THSD4: variants seen among roughly 807,000 people sequenced by gnomAD.
THSD4 encodes the protein thrombospondin type-1 domain-containing protein 4.
A neutral mutation model predicts 119.0 loss-of-function variants in THSD4; 69 were observed. That is an observed-to-expected ratio of 0.58 (90% CI 0.48 to 0.71). The LOEUF (loss-of-function observed/expected upper bound fraction) is 0.71. THSD4 is among the 30% of genes least tolerant of loss of function. The pLI, the probability that THSD4 is intolerant of heterozygous loss-of-function variation, is 0.00. For missense variants in THSD4, 1,393 were observed against 1,391.1 expected, an observed-to-expected ratio of 1.00 and a Z score of -0.02; for synonymous variants, 524 against 540.4, an observed-to-expected ratio of 0.97 and a Z score of 0.42.
intron 8 of THSD4, among the ~76,000 whole-genome samples, chr15:71,672,747 A>T (rs374000209): frequency 6.6e-6 from 1 of 152,162 alleles, no homozygotes; most frequent in Non-Finnish European, 1.5e-5. Context: ...TGAGATAATC[A>T]TGTGGTTTTT....
chr15:71,313,007 G>A (rs1183820726), intron 6 of THSD4, among the ~76,000 whole-genome samples: 2 of 152,140 alleles, frequency 1.3e-5, no homozygotes, highest in African/African-American at 4.8e-5. Context: ...GTCTTCACTC[G>A]CTAGAACAGT....
rs190142778 is a variant in THSD4 at position 71,557,850 on chromosome 15, G to A, written c.1153-102680G>A. ...TTTTGTTTCCTAATATTGTTCAATT[G>A]TGCCTTTTATTTTATTAACCATTCT... On this transcript the variant is annotated intron_variant, in intron 7 of 17. Coordinates refer to ENST00000261862, the MANE Select transcript of THSD4 (RefSeq NM_024817.3). Among the ~76,000 whole-genome samples, 660 of 152,098 alleles carry A rather than the reference G, an allele frequency of 4.3e-3. 4 individuals carry two copies. The highest frequency in any genetic ancestry group is 0.014 in the African/African-American group (564 of 41,490).
At chr15:71,634,825 C>A (rs2050708331) in intron 7 of THSD4, among the ~76,000 whole-genome samples, 1 of 152,206 alleles carries the variant, frequency 6.6e-6, no homozygotes, top group African/African-American at 2.4e-5. Flanking sequence ...CATTTGGACA[C>A]CCAGTCTTAT....
rs747860522 is a variant in THSD4, at chr15:71,757,898, A to G, written c.2416-4A>G. On this transcript the variant is annotated splice_polypyrimidine_tract_variant and splice_region_variant and intron_variant, in intron 14 of 17. Coordinates refer to ENST00000261862, the MANE Select transcript of THSD4 (RefSeq NM_024817.3). Reference sequence around the variant, plus strand: ...GACTAATGTGCCCTTCCCCTGTCTCACAGTGCTCAGCGGAGTGTGGGGCCG... The same window carrying G: ...GACTAATGTGCCCTTCCCCTGTCTCGCAGTGCTCAGCGGAGTGTGGGGCCG... 12 of 1,612,886 alleles carry G rather than the reference A, an allele frequency of 7.4e-6. No homozygotes were observed. The highest frequency in any genetic ancestry group is 1.0e-5 in the Non-Finnish European group (12 of 1,179,886).
At chr15:71,225,407 G>A (rs1797084406) in intron 4 of THSD4, among the ~76,000 whole-genome samples, 1 of 151,856 alleles carries the variant, frequency 6.6e-6, no homozygotes, top group Admixed American at 6.6e-5. Flanking sequence ...GTTATTAAGG[G>A]GTCTTGCTTT....
intron 17 of THSD4, among the ~76,000 whole-genome samples, chr15:71,772,061 G>C (rs2053832006): frequency 6.6e-6 from 1 of 152,182 alleles, no homozygotes; most frequent in African/African-American, 2.4e-5. Context: ...GTATAGTCAG[G>C]ACTGGTTCCA....
chr15:71,479,252 A>G (rs541428849), intron 7 of THSD4, among the ~76,000 whole-genome samples: 1 of 136,726 alleles, frequency 7.3e-6, no homozygotes, highest in African/African-American at 2.8e-5. Context: ...CTAGATGGAC[A>G]TATTTTGCAC....
At chr15:71,514,651 T>C (rs2048330602) in intron 7 of THSD4, among the ~76,000 whole-genome samples, 1 of 152,110 alleles carries the variant, frequency 6.6e-6, no homozygotes. Flanking sequence ...TTAATACATA[T>C]ACACTGCAGA....
chr15:71,432,551 CAAA>C (rs374188117), intron 7 of THSD4, among the ~76,000 whole-genome samples: 8 of 143,378 alleles, frequency 5.6e-5, no homozygotes, highest in Admixed American at 2.1e-4. Context: ...GCAGTTTACT[CAAA>C]AAGTGAACAA....
chr15:71,573,553 C>G (rs2049397529), intron 7 of THSD4, among the ~76,000 whole-genome samples: 1 of 152,128 alleles, frequency 6.6e-6, no homozygotes, highest in Admixed American at 6.5e-5. Flanking sequence ...TCAATAGTTC[C>G]CTTTTTCCCT....
At chr15:71,232,797 T>C (rs2044071881) in intron 4 of THSD4, among the ~76,000 whole-genome samples, 1 of 152,196 alleles carries the variant, frequency 6.6e-6, no homozygotes, top group East Asian at 1.9e-4. Flanking sequence ...GTTTGAACTT[T>C]ATTTTCTAGG....
chr15:71,701,721 CT>C (rs1363861687), intron 8 of THSD4, among the ~76,000 whole-genome samples: 1 of 151,946 alleles, frequency 6.6e-6, no homozygotes, highest in African/African-American at 2.4e-5. Context: ...TACATGTGAA[CT>C]TTTATATAAT....
intron 7 of THSD4, among the ~76,000 whole-genome samples, chr15:71,576,561 T>A (rs35747643): frequency 0.057 from 8,699 of 152,240 alleles, 374 homozygotes; most frequent in Middle Eastern, 0.14. Context: ...TCTGCCTTCA[T>A]TTTGTTTTTT....
At chr15:71,625,273 G>T (rs1404625541) in intron 7 of THSD4, among the ~76,000 whole-genome samples, 1 of 152,152 alleles carries the variant, frequency 6.6e-6, no homozygotes, top group Non-Finnish European at 1.5e-5. Context: ...CTCCCAAAGT[G>T]CTGGGATTAC....
intron 14 of THSD4, among the ~76,000 whole-genome samples, chr15:71,753,126 T>G (rs180762947): frequency 1.3e-5 from 2 of 152,318 alleles, no homozygotes; most frequent in Admixed American, 1.3e-4. Context: ...CTAAGTGAAT[T>G]GAGGTTGTAA....
At chr15:71,118,913 G>T (rs2040386197) in intron 1 of THSD4, among the ~76,000 whole-genome samples, 1 of 152,174 alleles carries the variant, frequency 6.6e-6, no homozygotes, top group Non-Finnish European at 1.5e-5. Flanking sequence ...CAGGACCGCT[G>T]TGCTGAGGCT....
chr15:71,649,316 C>T (rs1475478732), intron 7 of THSD4, among the ~76,000 whole-genome samples: 1 of 152,022 alleles, frequency 6.6e-6, no homozygotes, highest in Non-Finnish European at 1.5e-5. Context: ...TCTTGTTGCC[C>T]AGGCTGGAGT....
At chr15:71,102,991 C>T (rs943527408) in intron 1 of THSD4, among the ~76,000 whole-genome samples, 1 of 152,178 alleles carries the variant, frequency 6.6e-6, no homozygotes, top group African/African-American at 2.4e-5. Flanking sequence ...GTAATTCTAA[C>T]ATCTGTATCT....
intron 7 of THSD4, among the ~76,000 whole-genome samples, chr15:71,459,356 C>CTCTCTCTGTCTCTCTG (rs1276676831): frequency 3.6e-5 from 5 of 140,358 alleles, no homozygotes; most frequent in Admixed American, 2.2e-4. Flanking sequence ...GTCTCTCTCT[C>CTCTCTCTGTCTCTCTG]TCTCTCTGTC....
Sources: allele counts gnomAD v4.1 joint callset (sites outside exome capture counted in the v4.1 genomes callset), GRCh38; gene constraint gnomAD v4.1.1; transcripts MANE v1.5; gene names NCBI Gene and HGNC (gene_info 2026-07-23, HGNC 2026-07-21).